The following VPS37A variants were observed in gnomAD, a reference collection of about 807,000 sequenced individuals.
VPS37A encodes VPS37A subunit of ESCRT-I, also known as vacuolar protein sorting-associated protein 37A.
VPS37A carries 30 observed loss-of-function variants against 49.8 expected under a neutral mutation model. The ratio of observed to expected loss-of-function variants is 0.60; its 90% CI spans 0.45 to 0.82. The LOEUF (loss-of-function observed/expected upper bound fraction) is 0.82. Ranked by LOEUF, VPS37A falls within the 40% of genes least tolerant of loss-of-function variation. The pLI is 0.00. For synonymous variants in VPS37A, 195 were observed against 160.6 expected (o/e 1.21, Z -1.62); for missense variants, 593 against 464.4 (o/e 1.28, Z -2.55).
intron 6 of VPS37A, among the ~76,000 whole-genome samples, chr8:17,279,134 A>T (rs1036365220): frequency 2.0e-5 from 3 of 152,160 alleles, no homozygotes; most frequent in African/African-American, 7.2e-5. Flanking sequence ...TAAGCTAAAT[A>T]GTCACAGAGG....
At chr8:17,269,064 C>T (rs1429585610) in intron 4 of VPS37A, 108 bp downstream of exon 4, 9 of 742,266 alleles carry the variant, frequency 1.2e-5, no homozygotes, top group African/African-American at 1.8e-5. Context: ...CTGATTTCTA[C>T]ATCCCCACAA....
intron 1 of VPS37A, among the ~76,000 whole-genome samples, chr8:17,263,734 A>C (rs1386882134): frequency 6.6e-6 from 1 of 152,330 alleles, no homozygotes; most frequent in African/African-American, 2.4e-5. Context: ...GCTTGAGGTC[A>C]GGAATTCGAG....
chr8:17,248,310 G>A, intron 1 of VPS37A: 1 of 451,168 alleles, frequency 2.2e-6, no homozygotes, highest in Non-Finnish European at 4.4e-6. Context: ...TGTTGCCCAG[G>A]CTGGAGCGCA....
chr8:17,329,254 T>A, the VPS37A span, among the ~76,000 whole-genome samples: 1 of 152,152 alleles, frequency 6.6e-6, no homozygotes, highest in African/African-American at 2.4e-5. Context: ...TTGCAACACT[T>A]CATCATCAGC....
the VPS37A span, among the ~76,000 whole-genome samples, chr8:17,310,566 A>G: frequency 2.6e-5 from 4 of 152,178 alleles, no homozygotes; most frequent in Admixed American, 6.5e-5. Context: ...AAATGAAGCA[A>G]TCCAGCCCTC....
At chr8:17,323,671 C>T in the VPS37A span, among the ~76,000 whole-genome samples, 7 of 152,184 alleles carry the variant, frequency 4.6e-5, 1 homozygote, top group African/African-American at 1.2e-4. Context: ...TTCCACACAC[C>T]TCATGCCAGC....
chr8:17,271,565 C>T (rs1297686780), intron 4 of VPS37A, among the ~76,000 whole-genome samples: 2 of 151,950 alleles, frequency 1.3e-5, no homozygotes, highest in East Asian at 1.9e-4. Flanking sequence ...GAGATCACGC[C>T]ACTGCATTCC....
downstream of VPS37A, among the ~76,000 whole-genome samples, chr8:17,302,710 C>G (rs1020009478): frequency 3.3e-4 from 21 of 64,388 alleles, 5 homozygotes; most frequent in Admixed American, 2.4e-3. Flanking sequence ...ATAACCCCCC[C>G]CCCCCCGCTT....
At chr8:17,256,048 C>CTA (rs1812415788) in intron 1 of VPS37A, among the ~76,000 whole-genome samples, 6 of 151,758 alleles carry the variant, frequency 4.0e-5, no homozygotes, top group Non-Finnish European at 7.4e-5. Context: ...GGCAATATAC[C>CTA]CAGTAGCAGA....
rs971351934 is a variant in VPS37A, at chr8:17,284,553, A to C, written c.1050A>C (p.Glu350Asp). 1.9e-6 allele frequency: 3 copies of C among 1,602,520 alleles called. No individual in the cohort carries two copies. The South Asian group carries it at 3.4e-5, about 18-fold the overall frequency. ...EAEEESDNIA[E>D]DFLEGKMEID... ...AGGAAGAATCTGATAATATTGCAGA[A>C]GACTTCTTGGAGGGAAAGATGGAAA... The change falls in exon 10 of 12, where the codon GAA becomes GAC. Residue 350 changes from glutamate (E) to aspartate (D), a missense_variant. Glu to Asp is a conservative substitution (Grantham distance 45, BLOSUM62 2). Coordinates refer to ENST00000324849, the MANE Select transcript of VPS37A (RefSeq NM_152415.3).
intron 3 of VPS37A, 94 bp downstream of exon 3, chr8:17,268,466 C>A: frequency 2.1e-6 from 2 of 938,610 alleles, no homozygotes; most frequent in African/African-American, 1.7e-5. Flanking sequence ...TTTAAAGTTT[C>A]ATTTTGTCAT....
downstream of VPS37A, chr8:17,301,978 CT>C: frequency 1.4e-6 from 1 of 729,140 alleles, no homozygotes; most frequent in Non-Finnish European, 2.1e-6. Context: ...CATTAAATGC[CT>C]AGGTTTGGGC....
rs759240745 is a variant in VPS37A at position 17,276,401 on chromosome 8, G to A, written c.647G>A (p.Ser216Asn). 1 of 1,611,340 alleles carries A rather than the reference G, an allele frequency of 6.2e-7. No homozygotes were observed. The highest frequency in any genetic ancestry group is 1.1e-5 in the South Asian group (1 of 90,478). ...IPTVDASIPTSQNGFGYKMPD... is the reference protein window; with the variant it reads ...IPTVDASIPTNQNGFGYKMPD... ...TCATTTAAAACTTTTCTTTAGACAA[G>A]CCAAAATGGTTTTGGGTACAAGATG... The change falls in exon 6 of 12, where the codon AGC becomes AAC. Residue 216 changes from serine to asparagine, a missense_variant. Coordinates refer to ENST00000324849, the MANE Select transcript of VPS37A (RefSeq NM_152415.3).
chr8:17,320,928 T>A, the VPS37A span, among the ~76,000 whole-genome samples: 1 of 152,186 alleles, frequency 6.6e-6, no homozygotes, highest in Non-Finnish European at 1.5e-5. Flanking sequence ...AATACACACA[T>A]TCCACTGCGT....
chr8:17,316,594 G>T, the VPS37A span, among the ~76,000 whole-genome samples: 1 of 151,958 alleles, frequency 6.6e-6, no homozygotes, highest in Non-Finnish European at 1.5e-5. Flanking sequence ...TTGGCCCTCT[G>T]TATTCTCGGG....
Position 17,298,005 on chromosome 8 carries a change from G to A in VPS37A, c.*3019G>A, listed in dbSNP as rs1816837887. 4 of 151,942 alleles carry A rather than the reference G, an allele frequency of 2.6e-5. No homozygotes were observed. The highest frequency in any genetic ancestry group is 2.6e-4 in the Admixed American group (4 of 15,262). The allele number at this position is 151,942 out of a possible 1,614,324, so 9.4% of individuals were successfully genotyped here. A position where few individuals can be genotyped will look rare whatever the true frequency, so the allele number is the denominator to read the frequency against. ...TATACTATTTGCTTTTCAAATAAAA[G>A]CATAGTGCTGTTTGGCATAGATACT... On this transcript the variant is annotated 3_prime_UTR_variant, in exon 12 of 12. Transcript: ENST00000324849.
At chr8:17,258,115 C>T (rs535538915) in intron 1 of VPS37A, among the ~76,000 whole-genome samples, 1 of 152,076 alleles carries the variant, frequency 6.6e-6, no homozygotes, top group Non-Finnish European at 1.5e-5. Context: ...TTTAACTTCT[C>T]TTTTCCATTT....
Position 17,286,343 on chromosome 8 carries a change from C to A in VPS37A, c.1114-4C>A, listed in dbSNP as rs753394105. On this transcript the variant is annotated splice_region_variant and splice_polypyrimidine_tract_variant and intron_variant, in intron 10 of 11. Coordinates refer to ENST00000324849, the MANE Select transcript of VPS37A (RefSeq NM_152415.3). ...ACTGGTATTTTCAAAAATTTATTTT[C>A]TAGATTTGCCACTGTAGAAGAGCCA... is the stretch of plus-strand genomic sequence containing the variant. 6.2e-7 allele frequency: 1 copy of A among 1,611,770 alleles called. No homozygotes were observed.
intron 2 of VPS37A, among the ~76,000 whole-genome samples, chr8:17,266,928 A>G (rs546924389): frequency 1.4e-4 from 22 of 152,130 alleles, no homozygotes; most frequent in Admixed American, 7.9e-4. Context: ...ACGCCCCACC[A>G]TGCCCGGCTA....
Sources: allele counts gnomAD v4.1 joint callset (sites outside exome capture counted in the v4.1 genomes callset), GRCh38; gene constraint gnomAD v4.1.1; transcripts MANE v1.5; gene names NCBI Gene and HGNC (gene_info 2026-07-23, HGNC 2026-07-21).